AP1G1: variants seen among roughly 807,000 people sequenced by gnomAD.
AP1G1 encodes the protein adaptor related protein complex 1 subunit gamma 1.
A neutral mutation model predicts 108.3 loss-of-function variants in AP1G1; 7 were observed. That is an observed-to-expected ratio of 0.06 (90% confidence interval 0.04 to 0.12). AP1G1 has a LOEUF of 0.12. Ranked by LOEUF, AP1G1 falls within the 10% of genes least tolerant of loss-of-function variation. The probability of loss-of-function intolerance (pLI) is 1.00; values close to 1 mark genes in which losing one functional copy is unlikely to be tolerated. For missense variants in AP1G1, 756 were observed against 1,010.7 expected, an observed-to-expected ratio of 0.75 and a Z score of 3.42; for synonymous variants, 379 against 353.5, an observed-to-expected ratio of 1.07 and a Z score of -0.81.
rs1350777277 is a variant in AP1G1, at chr16:71,745,147, T to C, written c.1996A>G (p.Thr666Ala). The part of the protein sequence containing the change: ...LLDLLGDINL[T>A]GAPAAAPAPA... ...AAATAGCTCCAGACTGCCTCACCTG[T>C]AAGGTTGATGTCTCCCAGCAAATCA... Residue 666 changes from threonine (T) to alanine (A), a missense_variant, in exon 19 of 23, where the codon ACA (threonine) becomes GCA (alanine). Coordinates refer to ENST00000299980, the MANE Select transcript of AP1G1 (RefSeq NM_001128.6). 8.7e-6 allele frequency: 14 copies of C among 1,613,928 alleles called. No homozygotes were observed. The highest frequency in any genetic ancestry group is 1.2e-5 in the Non-Finnish European group (14 of 1,180,032).
Position 71,771,175 on chromosome 16 carries a change from T to C in AP1G1, c.546A>G (p.Leu182=). Residue 182 remains leucine (L), a synonymous_variant, in exon 5 of 23, where the codon TTA becomes TTG. Transcript: ENST00000299980. The part of the protein sequence containing the change: ...MEMFLPATKN[L]LNEKNHGVLH... Reference sequence around the variant, plus strand: ...CATTACCATGGTTCTTCTCATTCAATAAATTTTTTGTTGCTGGTAAAAACA... The same window carrying C: ...CATTACCATGGTTCTTCTCATTCAACAAATTTTTTGTTGCTGGTAAAAACA... 1.2e-6 allele frequency: 2 copies of C among 1,606,248 alleles called. No homozygotes were observed. The highest frequency in any genetic ancestry group is 1.7e-6 in the Non-Finnish European group (2 of 1,174,526).
At chr16:71,777,325 G>C (rs575797293) in intron 2 of AP1G1, among the ~76,000 whole-genome samples, 1 of 151,544 alleles carries the variant, frequency 6.6e-6, no homozygotes, top group African/African-American at 2.4e-5. Context: ...GGGGGAGCGG[G>C]AGGGAGGCAA....
At chr16:71,807,154 G>A (rs1306373302) in intron 1 of AP1G1, among the ~76,000 whole-genome samples, 1 of 151,594 alleles carries the variant, frequency 6.6e-6, no homozygotes, top group Non-Finnish European at 1.5e-5. Flanking sequence ...TGCCAGGCAC[G>A]GTGGCTCACG....
chr16:71,768,192 TAAAAAAAAA>T (rs10610445), intron 6 of AP1G1, among the ~76,000 whole-genome samples: 1 of 99,828 alleles, frequency 1.0e-5, no homozygotes, highest in Admixed American at 1.1e-4. Context: ...AATACTAGTT[TAAAAAAAAA>T]AAAAAAAAAA....
At chr16:71,806,745 A>G (rs1388258877) in intron 1 of AP1G1, 1 of 1,284,878 alleles carries the variant, frequency 7.8e-7, no homozygotes, top group Non-Finnish European at 1.0e-6. Context: ...ACCAAAAGAG[A>G]AAATTCCATT....
At chr16:71,780,386 G>A (rs1199586001) in intron 2 of AP1G1, among the ~76,000 whole-genome samples, 1 of 151,742 alleles carries the variant, frequency 6.6e-6, no homozygotes, top group African/African-American at 2.4e-5. Flanking sequence ...CAACTACTCA[G>A]GAGGCTCAGG....
At chr16:71,745,399 T>C (rs1195450441) in intron 18 of AP1G1, 74 bp downstream of exon 18, 2 of 1,608,716 alleles carry the variant, frequency 1.2e-6, no homozygotes, top group East Asian at 2.2e-5. Flanking sequence ...TTAAAGGGAC[T>C]CAGCTAAGAG....
intron 1 of AP1G1, among the ~76,000 whole-genome samples, chr16:71,792,835 C>T (rs1046845939): frequency 6.7e-6 from 1 of 149,542 alleles, no homozygotes; most frequent in African/African-American, 2.5e-5. Context: ...GCCAGGGTGA[C>T]GGAGCGAGAC....
chr16:71,776,300 C>T (rs1180533081), intron 2 of AP1G1, among the ~76,000 whole-genome samples: 1 of 152,180 alleles, frequency 6.6e-6, no homozygotes, highest in Non-Finnish European at 1.5e-5. Context: ...CTATCACGAG[C>T]ATTTCAAAGA....
At chr16:71,798,605 G>A (rs564100172) in intron 1 of AP1G1, among the ~76,000 whole-genome samples, 135 of 151,300 alleles carry the variant, frequency 8.9e-4, no homozygotes, top group African/African-American at 2.9e-3. Flanking sequence ...AAATGAGGCC[G>A]GGCGTGGTGC....
At chr16:71,781,976 G>C (rs2032036304) in intron 2 of AP1G1, among the ~76,000 whole-genome samples, 1 of 152,162 alleles carries the variant, frequency 6.6e-6, no homozygotes, top group Non-Finnish European at 1.5e-5. Flanking sequence ...ATTTCTGGTA[G>C]TCGTCTCTCT....
chr16:71,799,103 G>A (rs1203207474), intron 1 of AP1G1, among the ~76,000 whole-genome samples: 1 of 151,534 alleles, frequency 6.6e-6, no homozygotes, highest in Non-Finnish European at 1.5e-5. Context: ...TTAAAATTAA[G>A]ACAAACTGCA....
In AP1G1 at chr16:71,733,091, C is replaced by T. The variant is rs1021860243; in HGVS notation, c.2436G>A (p.Glu812=). 1.2e-6 allele frequency: 2 copies of T among 1,614,096 alleles called. No homozygotes were observed. The highest frequency in any genetic ancestry group is 1.7e-6 in the Non-Finnish European group (2 of 1,179,980). ...AGGACTGAGGGGGAAAGTTGTTCAC[C>T]TCTGCTAGATCTTGCATTGCTGAGC... The part of the protein sequence containing the change: ...HKGSAMQDLA[E]VNNFPPQSWQ The change falls in exon 23 of 23, where the codon GAG becomes GAA. Residue 812 remains glutamate (E), a synonymous_variant. Transcript: ENST00000299980.
At chr16:71,733,784 T>C (rs2045499482) in intron 22 of AP1G1, among the ~76,000 whole-genome samples, 2 of 152,218 alleles carry the variant, frequency 1.3e-5, no homozygotes, top group Admixed American at 1.3e-4. Flanking sequence ...ACACTGTTGC[T>C]TTATCTGAAA....
intron 17 of AP1G1, among the ~76,000 whole-genome samples, chr16:71,745,997 G>GA (rs1389819398): frequency 6.6e-6 from 1 of 151,702 alleles, no homozygotes; most frequent in African/African-American, 2.4e-5. Flanking sequence ...TATTTGTCTT[G>GA]AAAAAATACA....
intron 21 of AP1G1, among the ~76,000 whole-genome samples, chr16:71,736,725 A>C (rs2045552465): frequency 6.8e-6 from 1 of 147,914 alleles, no homozygotes; most frequent in African/African-American, 2.5e-5. Flanking sequence ...AGCTGACACT[A>C]CAGGCGCCCG....
intron 19 of AP1G1, among the ~76,000 whole-genome samples, chr16:71,744,163 G>A (rs2030032852): frequency 6.6e-6 from 1 of 151,984 alleles, no homozygotes; most frequent in Admixed American, 6.6e-5. Flanking sequence ...AGAATCGCTT[G>A]AACCCGGGAG....
intron 2 of AP1G1, among the ~76,000 whole-genome samples, chr16:71,775,551 T>TA: frequency 6.6e-6 from 1 of 152,086 alleles, no homozygotes; most frequent in Non-Finnish European, 1.5e-5. Flanking sequence ...CAAGTTACAT[T>TA]AAATGAGCAC....
At chr16:71,745,000 A>C in intron 19 of AP1G1, 144 bp downstream of exon 19, 1 of 840,388 alleles carries the variant, frequency 1.2e-6, no homozygotes, top group Non-Finnish European at 1.9e-6. Flanking sequence ...TATAACCCGG[A>C]TATTGTGAAG....
Sources: gnomAD v4.1 joint callset for allele counts (sites outside exome capture counted in the v4.1 genomes callset) on GRCh38, gnomAD v4.1.1 for gene constraint, MANE v1.5 for transcripts, NCBI Gene and HGNC (gene_info 2026-07-23, HGNC 2026-07-21) for gene names.